WASF1: variants seen among roughly 807,000 people sequenced by gnomAD.
WASF1 encodes WASP family member 1.
In WASF1, 7 loss-of-function variants were observed where a neutral mutation model predicts 50.5. The ratio of observed to expected loss-of-function variants is 0.14; its 90% CI spans 0.08 to 0.26. The LOEUF is 0.26. Ranked by LOEUF, WASF1 falls within the 10% of genes least tolerant of loss-of-function variation. WASF1 has a pLI of 1.00. For synonymous variants in WASF1, 205 were observed against 244.0 expected, an observed-to-expected ratio of 0.84 and a Z score of 1.49; for missense variants, 470 against 694.7, an observed-to-expected ratio of 0.68 and a Z score of 3.64.
At chr6:110,138,941 G>A (rs1174369761) in intron 3 of WASF1, among the ~76,000 whole-genome samples, 1 of 152,216 alleles carries the variant, frequency 6.6e-6, no homozygotes, top group East Asian at 1.9e-4. Flanking sequence ...GAGCCTGTCT[G>A]CCTCCTGTCA....
At chr6:110,135,721 CTTTT>C (rs139834112) in intron 3 of WASF1, among the ~76,000 whole-genome samples, 3 of 73,538 alleles carry the variant, frequency 4.1e-5, no homozygotes, top group East Asian at 4.9e-4. Context: ...GGAAGATTAT[CTTTT>C]TTTTTTTTTT....
At chr6:110,129,036 C>A (rs1024315471) in intron 3 of WASF1, among the ~76,000 whole-genome samples, 1 of 151,964 alleles carries the variant, frequency 6.6e-6, no homozygotes, top group Non-Finnish European at 1.5e-5. Flanking sequence ...CGAAACTAGT[C>A]CCTTGTGCCA....
chr6:110,123,860 A>G (rs965309662), intron 4 of WASF1, among the ~76,000 whole-genome samples: 14 of 151,884 alleles, frequency 9.2e-5, no homozygotes, highest in African/African-American at 3.1e-4. Context: ...AGAGATGGAA[A>G]AGACTAATCT....
At chr6:110,146,324 T>C (rs752767218) in intron 3 of WASF1, among the ~76,000 whole-genome samples, 11 of 152,142 alleles carry the variant, frequency 7.2e-5, no homozygotes, top group Non-Finnish European at 1.5e-4. Flanking sequence ...TTCTTAAGAA[T>C]AGAAGCCACT....
Position 110,105,146 on chromosome 6 carries a change from G to A in WASF1, c.713+261C>T, listed in dbSNP as rs964527924. On this transcript the variant is annotated intron_variant, in intron 8 of 10. Coordinates refer to ENST00000392589, the MANE Select transcript of WASF1 (RefSeq NM_003931.3). ...TGAAATATCGAGAGGCTATTGAGAC[G>A]TCACACTAAAGCTAAAACCCTAAAG... 5.9e-5 allele frequency among the ~76,000 whole-genome samples: 9 copies of A among 152,036 alleles called. No homozygotes were observed. The South Asian group carries it at 8.3e-4, about 14-fold the overall frequency.
intron 2 of WASF1, among the ~76,000 whole-genome samples, chr6:110,173,851 G>C (rs938426411): frequency 3.3e-5 from 5 of 152,154 alleles, no homozygotes; most frequent in Non-Finnish European, 7.4e-5. Flanking sequence ...GGAGGACCCA[G>C]GAAAAGTTCT....
intron 2 of WASF1, among the ~76,000 whole-genome samples, chr6:110,171,400 AT>A (rs1439883994): frequency 1.3e-5 from 2 of 152,202 alleles, no homozygotes; most frequent in African/African-American, 2.4e-5. Flanking sequence ...AATTCAATTT[AT>A]CAAAATGTGT....
At chr6:110,153,486 AATCT>A (rs1348232057) in intron 3 of WASF1, among the ~76,000 whole-genome samples, 1 of 152,220 alleles carries the variant, frequency 6.6e-6, no homozygotes, top group Non-Finnish European at 1.5e-5. Flanking sequence ...AGATTAAATC[AATCT>A]ATGTTGATTT....
chr6:110,148,016 G>A (rs1775654169), intron 3 of WASF1, among the ~76,000 whole-genome samples: 1 of 152,214 alleles, frequency 6.6e-6, no homozygotes, highest in African/African-American at 2.4e-5. Flanking sequence ...CAAAGTGCTA[G>A]GATTATAGAC....
intron 2 of WASF1, among the ~76,000 whole-genome samples, chr6:110,168,790 C>T (rs769776131): frequency 3.9e-5 from 6 of 152,036 alleles, no homozygotes; most frequent in Non-Finnish European, 7.4e-5. Context: ...TCTCCATCTC[C>T]GAAGTGTCTC....
intron 2 of WASF1, among the ~76,000 whole-genome samples, chr6:110,162,976 CT>C (rs1439614136): frequency 6.6e-6 from 1 of 151,530 alleles, no homozygotes. Flanking sequence ...ACATAATTGT[CT>C]ACACAGAAAA....
intron 3 of WASF1, among the ~76,000 whole-genome samples, chr6:110,128,267 A>T (rs1428471946): frequency 6.6e-6 from 1 of 152,238 alleles, no homozygotes; most frequent in East Asian, 1.9e-4. Flanking sequence ...CAGCTGCTGC[A>T]TGGTGAATTC....
chr6:110,124,239 T>TCTCTCCTTCCTCTCTCTCC (rs1774292135), intron 4 of WASF1, among the ~76,000 whole-genome samples: 1 of 27,576 alleles, frequency 3.6e-5, no homozygotes, highest in Non-Finnish European at 6.3e-5. Flanking sequence ...CTCTCTCCTC[T>TCTCTCCTTCCTCTCTCTCC]CTCTCTCTCT....
chr6:110,100,315 G>C lies in WASF1; in HGVS notation c.*207C>G. 1 of 492,570 alleles carries C rather than the reference G, an allele frequency of 2.0e-6. No homozygotes were observed. Among genetic ancestry groups the C allele is most frequent in the South Asian group, 3.5e-5 (1 of 28,724 alleles). The allele number at this position is 492,570 out of a possible 1,614,324, so 30.5% of individuals were successfully genotyped here. A position where few individuals can be genotyped will look rare whatever the true frequency, so the allele number is the denominator to read the frequency against. ...TTATTTGACCAAATTAGTCTTTTCA[G>C]GGGGAAAAAAAAGATAAGCCACTGT... On this transcript the variant is annotated 3_prime_UTR_variant, in exon 11 of 11. Coordinates refer to ENST00000392589, the MANE Select transcript of WASF1 (RefSeq NM_003931.3).
At chr6:110,132,683 C>G (rs1397533877) in intron 3 of WASF1, among the ~76,000 whole-genome samples, 9 of 151,604 alleles carry the variant, frequency 5.9e-5, no homozygotes, top group African/African-American at 2.2e-4. Flanking sequence ...TATCCCTCTC[C>G]GTCCTCTCAC....
chr6:110,172,702 T>C (rs1403181240), intron 2 of WASF1, among the ~76,000 whole-genome samples: 3 of 152,110 alleles, frequency 2.0e-5, no homozygotes, highest in African/African-American at 7.2e-5. Flanking sequence ...AATACCATAT[T>C]TTCTCATTTA....
At chr6:110,127,377 A>G (rs772882176) in intron 4 of WASF1, 92 bp downstream of exon 4, 9 of 1,165,684 alleles carry the variant, frequency 7.7e-6, no homozygotes, top group African/African-American at 1.6e-5. Flanking sequence ...TCACCAAATC[A>G]TACTCCCAAA....
At chr6:110,138,706 T>G (rs1439087568) in intron 3 of WASF1, among the ~76,000 whole-genome samples, 1 of 152,188 alleles carries the variant, frequency 6.6e-6, no homozygotes, top group Admixed American at 6.5e-5. Flanking sequence ...TTCCTGCAGC[T>G]AGTAGTCCCA....
Position 110,136,911 on chromosome 6 carries a change from GGTC to G in WASF1, c.-28-9285_-28-9283del. Among the ~76,000 whole-genome samples, 3 of 152,148 alleles carry G rather than the reference GGTC, an allele frequency of 2.0e-5. No individual in the cohort carries two copies. In the East Asian group the frequency reaches 5.8e-4, roughly 29 times the overall value. On this transcript the variant is annotated intron_variant, in intron 3 of 10. Coordinates refer to ENST00000392589, the MANE Select transcript of WASF1 (RefSeq NM_003931.3). ...TGATCCCCCAGTCTCAATGAGATGT[GGTC>G]CTCCTGTTAAAATTTTCTCACATCA...
Sources: allele counts gnomAD v4.1 joint callset (sites outside exome capture counted in the v4.1 genomes callset), GRCh38; gene constraint gnomAD v4.1.1; transcripts MANE v1.5; gene names NCBI Gene and HGNC (gene_info 2026-07-23, HGNC 2026-07-21).